The following NLRP13 variants were observed in gnomAD, a reference collection of about 807,000 sequenced individuals.
The protein encoded by NLRP13 is NACHT, LRR and PYD domains-containing protein 13.
NLRP13 carries 82 observed loss-of-function variants against 94.4 expected under a neutral mutation model. The observed-to-expected ratio is 0.87, with a 90% CI of 0.73 to 1.04. The LOEUF (loss-of-function observed/expected upper bound fraction) is 1.04, where lower values mean the gene tolerates loss of function less well. Ranked by LOEUF, NLRP13 falls within the 50% of genes least tolerant of loss-of-function variation. The pLI is 0.00. For synonymous variants in NLRP13, 553 were observed against 464.7 expected (o/e 1.19, Z -2.45); for missense variants, 1,426 against 1,230.8 (o/e 1.16, Z -2.37).
chr19:55,899,048 C>T, intron 9 of NLRP13, 111 bp from the exon 10 acceptor site: 1 of 1,183,430 alleles, frequency 8.5e-7, no homozygotes, highest in Non-Finnish European at 1.2e-6. Context: ...TGAAGCCAGA[C>T]TTTTGTCCCA....
chr19:55,908,920 A>G (rs1316012336), intron 6 of NLRP13, among the ~76,000 whole-genome samples: 3 of 152,232 alleles, frequency 2.0e-5, no homozygotes, highest in Admixed American at 1.3e-4. Flanking sequence ...ATGTATTTTA[A>G]AAAAATAAAT....
intron 1 of NLRP13, among the ~76,000 whole-genome samples, chr19:55,929,021 GA>G (rs1322994013): frequency 6.6e-6 from 1 of 152,106 alleles, no homozygotes; most frequent in African/African-American, 2.4e-5. Context: ...CAACAAACAT[GA>G]AAAAAAGCTC....
chr19:55,899,089 G>T, intron 9 of NLRP13, 152 bp from the exon 10 acceptor site: 1 of 733,880 alleles, frequency 1.4e-6, no homozygotes. Flanking sequence ...CGAGTCAGGA[G>T]GGCCGAGACA....
At chr19:55,897,394 C>G (rs1382395691) in intron 10 of NLRP13, among the ~76,000 whole-genome samples, 1 of 152,084 alleles carries the variant, frequency 6.6e-6, no homozygotes, top group Non-Finnish European at 1.5e-5. Flanking sequence ...GTAGCGTGCA[C>G]CTGTTGTCCC....
At chr19:55,915,029 T>C (rs757746418) in intron 4 of NLRP13, among the ~76,000 whole-genome samples, 3 of 152,112 alleles carry the variant, frequency 2.0e-5, no homozygotes, top group African/African-American at 7.2e-5. Context: ...TGGTGATTAC[T>C]AGAAGCTGGG....
At chr19:55,914,493 G>A (rs1051239444) in intron 4 of NLRP13, among the ~76,000 whole-genome samples, 1 of 152,134 alleles carries the variant, frequency 6.6e-6, no homozygotes, top group Non-Finnish European at 1.5e-5. Flanking sequence ...GTGAAAATGG[G>A]CACCTGGCAG....
intron 9 of NLRP13, among the ~76,000 whole-genome samples, 172 bp from the exon 10 acceptor site, chr19:55,899,109 G>T (rs1222600253): frequency 3.3e-5 from 5 of 152,014 alleles, no homozygotes; most frequent in Admixed American, 1.3e-4. Flanking sequence ...ACCTCCAGGT[G>T]CTCTATTTAC....
chr19:55,926,066 AG>A (rs1986959487), intron 1 of NLRP13, among the ~76,000 whole-genome samples: 1 of 152,288 alleles, frequency 6.6e-6, no homozygotes, highest in South Asian at 2.1e-4. Context: ...GCCCAAGCAG[AG>A]GAAAAGTAGA....
chr19:55,927,190 G>T (rs939012814), intron 1 of NLRP13, among the ~76,000 whole-genome samples: 1 of 151,932 alleles, frequency 6.6e-6, no homozygotes, highest in Non-Finnish European at 1.5e-5. Context: ...CCAGCGTGGG[G>T]AAACCCCATC....
Position 55,931,718 on chromosome 19 carries a change from A to AGACAGAAAGAAAGAAAGAAAGACAGAAAG in NLRP13, c.319+274_319+275insCTTTCTGTCTTTCTTTCTTTCTTTCTGTC. On this transcript the variant is annotated intron_variant, in intron 1 of 10. Transcript: ENST00000342929. ...AGTGGAGACTCAGGCTCAAAAAAAA[A>AGACAGAAAGAAAGAAAGAAAGACAGAAAG]AAAAAAAGAAAGAAAGAAAGAAAGA... Among the ~76,000 whole-genome samples the AGACAGAAAGAAAGAAAGAAAGACAGAAAG allele has an allele frequency of 1.5e-3, 145 of 95,982 alleles. 11 individuals carry two copies. Among genetic ancestry groups the AGACAGAAAGAAAGAAAGAAAGACAGAAAG allele is most frequent in the East Asian group, 3.7e-3 (11 of 2,962 alleles). The allele number at this position is 95,982 out of a possible 152,430, so 63.0% of individuals were successfully genotyped here. A position where few individuals can be genotyped will look rare whatever the true frequency, so the allele number is the denominator to read the frequency against.
chr19:55,900,267 A>G (rs1254160207), intron 9 of NLRP13, among the ~76,000 whole-genome samples: 2 of 152,226 alleles, frequency 1.3e-5, no homozygotes. Flanking sequence ...AGCAAATTTT[A>G]TCAACAGGTT....
Position 55,898,774 on chromosome 19 carries a change from G to C in NLRP13, c.2953C>G (p.Leu985Val). The C allele has an allele frequency of 6.2e-7, 1 of 1,605,364 alleles. No homozygotes were observed. Among genetic ancestry groups the C allele is most frequent in the East Asian group, 2.2e-5 (1 of 44,684 alleles). The change falls in exon 10 of 11, where the codon CTT becomes GTT. Residue 985 changes from leucine (L) to valine (V), a missense_variant. Coordinates refer to ENST00000342929, the MANE Select transcript of NLRP13 (RefSeq NM_176810.2). ...ALKPHRALHT[L>V]GLAKCNLTTA... is the part of the protein sequence containing the mutation. ...AGGAGAACAGCATCAACTCACCCAAGTGTGTGCAATGCACGATGTGGTTTC... is the reference window on the plus strand; with the variant it reads ...AGGAGAACAGCATCAACTCACCCAACTGTGTGCAATGCACGATGTGGTTTC...
intron 10 of NLRP13, among the ~76,000 whole-genome samples, chr19:55,897,461 G>A (rs759462398): frequency 8.5e-5 from 13 of 152,182 alleles, no homozygotes; most frequent in Non-Finnish European, 1.5e-4. Flanking sequence ...AGCTGAGATC[G>A]CACCACTGCA....
intron 6 of NLRP13, among the ~76,000 whole-genome samples, chr19:55,909,311 G>A (rs972885451): frequency 6.6e-6 from 1 of 152,114 alleles, no homozygotes; most frequent in Non-Finnish European, 1.5e-5. Context: ...GGACCAATAC[G>A]CTTTAGTCCA....
intron 7 of NLRP13, among the ~76,000 whole-genome samples, chr19:55,906,584 C>T (rs1986358259): frequency 6.6e-6 from 1 of 152,036 alleles, no homozygotes. Context: ...CCTCAGGCTT[C>T]TCACATCAGA....
chr19:55,923,546 C>A (rs2123141746), intron 4 of NLRP13, among the ~76,000 whole-genome samples: 2 of 152,270 alleles, frequency 1.3e-5, no homozygotes, highest in Admixed American at 1.3e-4. Flanking sequence ...AGTGTGTTGA[C>A]TCAAGGCCTT....
rs77711799 is a variant in NLRP13, at chr19:55,922,841, C to A, written c.523+1073G>T. 4.4e-3 allele frequency among the ~76,000 whole-genome samples: 667 copies of A among 152,252 alleles called. 5 individuals are homozygous for A. Among genetic ancestry groups the A allele is most frequent in the African/African-American group, 0.015 (641 of 41,530 alleles). On this transcript the variant is annotated intron_variant, in intron 4 of 10. Coordinates refer to ENST00000342929, the MANE Select transcript of NLRP13 (RefSeq NM_176810.2). ...ACCATGACAAGAAGTCAGTAGATAA[C>A]CGATTGGAAAACTAAGAAATAGCAG...
At chr19:55,930,484 G>C (rs1169914084) in intron 1 of NLRP13, among the ~76,000 whole-genome samples, 1 of 152,004 alleles carries the variant, frequency 6.6e-6, no homozygotes, top group Admixed American at 6.6e-5. Context: ...TCAGAAGTTT[G>C]AGACCAGCCT....
In NLRP13 at chr19:55,898,775, T is replaced by A. The variant is rs781475876; in HGVS notation, c.2952A>T (p.Thr984=). The change falls in exon 10 of 11, where the codon ACA becomes ACT. Residue 984 remains threonine (T), a synonymous_variant. Transcript: ENST00000342929. ...GGAGAACAGCATCAACTCACCCAAG[T>A]GTGTGCAATGCACGATGTGGTTTCA... ...EALKPHRALH[T]LGLAKCNLTT... 1.9e-6 allele frequency: 3 copies of A among 1,605,348 alleles called. No homozygotes were observed. Among genetic ancestry groups the A allele is most frequent in the Non-Finnish European group, 2.6e-6 (3 of 1,176,308 alleles).
Sources: gnomAD v4.1 joint callset for allele counts (sites outside exome capture counted in the v4.1 genomes callset) on GRCh38, gnomAD v4.1.1 for gene constraint, MANE v1.5 for transcripts, NCBI Gene and HGNC (gene_info 2026-07-23, HGNC 2026-07-21) for gene names.